CCDC85A: variants seen among roughly 807,000 people sequenced by gnomAD.
CCDC85A encodes coiled-coil domain-containing protein 85A.
CCDC85A carries 38 observed loss-of-function variants against 50.2 expected under a neutral mutation model. The observed-to-expected ratio is 0.76, with a 90% CI of 0.58 to 0.99. The LOEUF is 0.99. Among genes scored for constraint, CCDC85A ranks in the 50% least tolerant of loss-of-function variants. The pLI, the probability that CCDC85A is intolerant of heterozygous loss-of-function variation, is 0.00. For missense variants in CCDC85A, 820 were observed against 742.0 expected, an observed-to-expected ratio of 1.11 and a Z score of -1.22; for synonymous variants, 366 against 301.4, an observed-to-expected ratio of 1.21 and a Z score of -2.22.
At chr2:56,340,934 T>C (rs185977285) in intron 2 of CCDC85A, among the ~76,000 whole-genome samples, 14 of 150,832 alleles carry the variant, frequency 9.3e-5, no homozygotes, top group Admixed American at 5.9e-4. Flanking sequence ...TAAAGTACAT[T>C]TGGAAGAGAG....
intron 2 of CCDC85A, among the ~76,000 whole-genome samples, chr2:56,207,851 A>T (rs1677018827): frequency 6.6e-6 from 1 of 152,138 alleles, no homozygotes; most frequent in African/African-American, 2.4e-5. Context: ...AGAAACAATA[A>T]ACTTTTACTA....
intron 3 of CCDC85A, among the ~76,000 whole-genome samples, chr2:56,366,328 T>A (rs959248866): frequency 6.6e-6 from 1 of 152,136 alleles, no homozygotes; most frequent in Non-Finnish European, 1.5e-5. Flanking sequence ...TGAAGGAACT[T>A]CATACTGTTT....
At chr2:56,212,806 G>T (rs923212423) in intron 2 of CCDC85A, among the ~76,000 whole-genome samples, 8 of 151,910 alleles carry the variant, frequency 5.3e-5, no homozygotes, top group African/African-American at 1.9e-4. Flanking sequence ...ACCCTGTACA[G>T]ATCTTGCTTC....
intron 2 of CCDC85A, among the ~76,000 whole-genome samples, chr2:56,204,999 G>T (rs1176184889): frequency 6.6e-6 from 1 of 152,112 alleles, no homozygotes; most frequent in African/African-American, 2.4e-5. Context: ...CTTTTGCTTG[G>T]TCAGGTCTCA....
chr2:56,228,513 T>C (rs1668636693), intron 2 of CCDC85A, among the ~76,000 whole-genome samples: 1 of 151,356 alleles, frequency 6.6e-6, no homozygotes, highest in South Asian at 2.1e-4. Context: ...TCCTCCTCTT[T>C]CTCCCCTTTA....
At chr2:56,205,364 C>A (rs1193262248) in intron 2 of CCDC85A, among the ~76,000 whole-genome samples, 1 of 152,066 alleles carries the variant, frequency 6.6e-6, no homozygotes, top group East Asian at 1.9e-4. Context: ...TATTACTTTA[C>A]AGCTGACATT....
At position 56,193,106 on chromosome 2, in the gene CCDC85A, C is replaced by T. The variant is rs545118883; in HGVS notation, c.906C>T (p.Pro302=). The T allele has an allele frequency of 3.3e-5, 53 of 1,613,762 alleles. No individual in the cohort carries two copies. The South Asian group carries it at 5.2e-4, about 16-fold the overall frequency. ...GGCACCCGCATCCAGGGAGCAGCCC[C>T]GAAACGCTGCCCAAGCACGTGCTGA... ...QQRHPHPGSS[P]ETLPKHVLSG... is the part of the protein sequence containing the mutation. Residue 302 remains proline, a synonymous_variant, in exon 2 of 6, where the codon CCC becomes CCT. Transcript: ENST00000407595.
intron 2 of CCDC85A, among the ~76,000 whole-genome samples, chr2:56,252,507 G>C (rs1669807428): frequency 6.6e-6 from 1 of 152,096 alleles, no homozygotes; most frequent in Admixed American, 6.5e-5. Flanking sequence ...TACGTAAAAG[G>C]AGAATTGCAC....
intron 2 of CCDC85A, among the ~76,000 whole-genome samples, chr2:56,285,197 G>T (rs1303444394): frequency 1.3e-5 from 2 of 151,052 alleles, no homozygotes; most frequent in African/African-American, 4.9e-5. Flanking sequence ...CACGTCCCAG[G>T]TTCAAGCAAT....
chr2:56,257,991 T>C (rs1192809195), intron 2 of CCDC85A, among the ~76,000 whole-genome samples: 1 of 152,230 alleles, frequency 6.6e-6, no homozygotes, highest in Non-Finnish European at 1.5e-5. Context: ...TCAGCTATTA[T>C]AATGGGTTTG....
chr2:56,359,005 T>A (rs1242630936), intron 3 of CCDC85A, among the ~76,000 whole-genome samples: 2 of 151,468 alleles, frequency 1.3e-5, no homozygotes, highest in African/African-American at 4.9e-5. Flanking sequence ...GGTTTCACTG[T>A]GTTGGCCAGG....
chr2:56,255,967 C>G lies in CCDC85A; in HGVS notation c.1240+62527C>G, dbSNP rs148485887. ...TAGATGGGAGGAGAGTTTGGAAAAA[C>G]AAATATTTGAGATAATGAATGGCTT... On this transcript the variant is annotated intron_variant, in intron 2 of 5. Coordinates refer to ENST00000407595, the MANE Select transcript of CCDC85A (RefSeq NM_001080433.2). Among the ~76,000 whole-genome samples the G allele has an allele frequency of 1.5e-3, 230 of 152,140 alleles. 1 individual carries two copies. The highest frequency in any genetic ancestry group is 5.2e-3 in the African/African-American group (214 of 41,512).
intron 2 of CCDC85A, among the ~76,000 whole-genome samples, chr2:56,277,080 A>T (rs1348324253): frequency 2.0e-5 from 3 of 152,078 alleles, no homozygotes; most frequent in African/African-American, 7.2e-5. Flanking sequence ...TCTCTTTCTG[A>T]TTATTCTTTT....
intron 2 of CCDC85A, among the ~76,000 whole-genome samples, chr2:56,331,987 C>G (rs1358520042): frequency 6.6e-6 from 1 of 151,864 alleles, no homozygotes; most frequent in East Asian, 1.9e-4. Context: ...GCCTCTCATT[C>G]AGTGTCGGAC....
intron 2 of CCDC85A, among the ~76,000 whole-genome samples, chr2:56,338,077 C>G (rs1674167262): frequency 6.6e-6 from 1 of 152,110 alleles, no homozygotes; most frequent in African/African-American, 2.4e-5. Flanking sequence ...GCCACCTAGC[C>G]AGCTCCTTTT....
At chr2:56,262,028 A>G (rs758632178) in intron 2 of CCDC85A, among the ~76,000 whole-genome samples, 3 of 152,180 alleles carry the variant, frequency 2.0e-5, no homozygotes, top group Non-Finnish European at 4.4e-5. Context: ...AGTAGTGAAC[A>G]TCTGCCATAG....
intron 2 of CCDC85A, among the ~76,000 whole-genome samples, chr2:56,300,931 A>G (rs1187004605): frequency 6.6e-6 from 1 of 152,196 alleles, no homozygotes; most frequent in Non-Finnish European, 1.5e-5. Flanking sequence ...TCCTACAAAC[A>G]CAAACTCCGA....
chr2:56,227,331 C>T (rs1488776384), intron 2 of CCDC85A, among the ~76,000 whole-genome samples: 1 of 152,106 alleles, frequency 6.6e-6, no homozygotes, highest in African/African-American at 2.4e-5. Flanking sequence ...AAGTGTGTTG[C>T]TTGGCAACAG....
At chr2:56,229,802 A>C (rs550083451) in intron 2 of CCDC85A, among the ~76,000 whole-genome samples, 2 of 152,306 alleles carry the variant, frequency 1.3e-5, no homozygotes, top group South Asian at 4.1e-4. Flanking sequence ...AATTAGTCAG[A>C]AAGAGCCTAC....
Sources: allele counts gnomAD v4.1 joint callset (sites outside exome capture counted in the v4.1 genomes callset), GRCh38; gene constraint gnomAD v4.1.1; transcripts MANE v1.5; gene names NCBI Gene and HGNC (gene_info 2026-07-23, HGNC 2026-07-21).